The following DNAH11 variants were observed in gnomAD, a reference collection of about 807,000 sequenced individuals.
DNAH11 encodes the protein dynein axonemal heavy chain 11, also known as axonemal beta dynein heavy chain 11.
DNAH11 carries 442 observed loss-of-function variants against 526.0 expected under a neutral mutation model. The ratio of observed to expected loss-of-function variants is 0.84; its 90% confidence interval spans 0.78 to 0.91. The LOEUF is 0.91. Ranked by LOEUF, DNAH11 falls within the 40% of genes least tolerant of loss-of-function variation. The pLI is 0.00. For missense variants in DNAH11, 6,989 were observed against 5,448.7 expected (o/e 1.28, Z -8.90); for synonymous variants, 2,461 against 1,935.9 (o/e 1.27, Z -7.12).
At chr7:21,773,308 G>C (rs1787519100) in intron 55 of DNAH11, among the ~76,000 whole-genome samples, 1 of 146,542 alleles carries the variant, frequency 6.8e-6, no homozygotes, top group African/African-American at 2.5e-5. Context: ...TTTTACATGA[G>C]TTCTCATAAA....
chr7:21,632,828 T>C (rs1786678900), intron 25 of DNAH11, among the ~76,000 whole-genome samples: 1 of 152,216 alleles, frequency 6.6e-6, no homozygotes, highest in Non-Finnish European at 1.5e-5. Flanking sequence ...CCAAAGTTGC[T>C]TCCACATTTT....
chr7:21,830,543 C>A (rs1417952452), intron 65 of DNAH11, among the ~76,000 whole-genome samples: 1 of 152,178 alleles, frequency 6.6e-6, no homozygotes, highest in African/African-American at 2.4e-5. Flanking sequence ...TTATAGGCTG[C>A]CACTGTCAGA....
At chr7:21,787,941 T>G (rs898094460) in intron 60 of DNAH11, among the ~76,000 whole-genome samples, 2 of 152,214 alleles carry the variant, frequency 1.3e-5, no homozygotes, top group African/African-American at 4.8e-5. Flanking sequence ...TAGCGCCTGC[T>G]CTCAAAGCAA....
chr7:21,808,026 TG>T lies in DNAH11; in HGVS notation c.10312del (p.Val3438PhefsTer12), dbSNP rs1325957353. On this transcript the variant is annotated frameshift_variant, in exon 63 of 82. Coordinates refer to ENST00000409508, the MANE Select transcript of DNAH11 (RefSeq NM_001277115.2). LOFTEE classifies it high-confidence loss of function. ...TCGCCAGGAGCTGGTGCACTGCAAG[TG>T]GGTTCCCTTTCTTCAACAGAAGGTA... is the stretch of plus-strand genomic sequence containing the variant. Reference protein sequence around the residue: ...QYRQELVHCKWVPFLQQKVSI... With the variant: ...QYRQELVHCKXVPFLQQKVSI... The T allele has an allele frequency of 6.4e-7, 1 of 1,556,576 alleles. No individual in the cohort carries two copies.
intron 5 of DNAH11, among the ~76,000 whole-genome samples, chr7:21,562,150 G>T (rs536863872): frequency 6.6e-6 from 1 of 152,314 alleles, no homozygotes; most frequent in South Asian, 2.1e-4. Context: ...CTTCCTTGAA[G>T]AGTTGCTATG....
At chr7:21,755,218 T>C (rs1042875860) in intron 54 of DNAH11, among the ~76,000 whole-genome samples, 4 of 152,206 alleles carry the variant, frequency 2.6e-5, no homozygotes, top group Non-Finnish European at 5.9e-5. Context: ...TTAACAACCA[T>C]CAGATGTGTG....
chr7:21,645,401 T>C (rs746440858), intron 28 of DNAH11, among the ~76,000 whole-genome samples: 14 of 152,206 alleles, frequency 9.2e-5, no homozygotes, highest in Non-Finnish European at 1.5e-4. Flanking sequence ...TTAAAGAGTA[T>C]TGAAGAATAA....
At chr7:21,543,925 A>C in intron 1 of DNAH11, 1 of 360,958 alleles carries the variant, frequency 2.8e-6, no homozygotes. Flanking sequence ...GTGCCAAAAA[A>C]CTTGCGTTTC....
Position 21,869,121 on chromosome 7 carries a change from G to A in DNAH11, c.11967+130G>A, listed in dbSNP as rs546182925. The A allele has an allele frequency of 2.5e-5, 33 of 1,336,958 alleles. No individual in the cohort carries two copies. In the Admixed American group the frequency reaches 6.7e-4, roughly 27 times the overall value. The allele number at this position is 1,336,958 out of a possible 1,614,324, so 82.8% of individuals were successfully genotyped here. A position where few individuals can be genotyped will look rare whatever the true frequency, so the allele number is the denominator to read the frequency against. ...CGATTTGCAGAGTGCAAGCAGTACTGTCAGTGTTCATGATGCCTGCAAAGA... is the reference window on the plus strand; with the variant it reads ...CGATTTGCAGAGTGCAAGCAGTACTATCAGTGTTCATGATGCCTGCAAAGA... On this transcript the variant is annotated intron_variant, in intron 73 of 81. Transcript: ENST00000409508.
chr7:21,831,014 C>A (rs889722973), intron 65 of DNAH11, among the ~76,000 whole-genome samples: 1 of 152,196 alleles, frequency 6.6e-6, no homozygotes, highest in Admixed American at 6.5e-5. Context: ...ATGGGAGCAG[C>A]CCCGTGCCAG....
At position 21,656,038 on chromosome 7, in the gene DNAH11, G is replaced by GA. The variant is rs1276918500; in HGVS notation, c.5094+59dup. 4 of 1,486,042 alleles carry GA rather than the reference G, an allele frequency of 2.7e-6. No homozygotes were observed. The African/African-American group carries it at 4.2e-5, about 16-fold the overall frequency. The allele number at this position is 1,486,042 out of a possible 1,614,324, so 92.1% of individuals were successfully genotyped here. A position where few individuals can be genotyped will look rare whatever the true frequency, so the allele number is the denominator to read the frequency against. On this transcript the variant is annotated intron_variant, in intron 29 of 81. Coordinates refer to ENST00000409508, the MANE Select transcript of DNAH11 (RefSeq NM_001277115.2). ...GGGGAGTATTTTCAGCATGCTCTTA[G>GA]AAGGTTGAGTTCAACAAGCAAAAAA...
At chr7:21,784,325 A>G (rs1401562370) in intron 57 of DNAH11, 102 bp from the exon 58 acceptor site, 1 of 870,572 alleles carries the variant, frequency 1.1e-6, no homozygotes, top group East Asian at 2.6e-5. Flanking sequence ...AGTACAGAGA[A>G]ATGAATTATT....
chr7:21,736,344 G>T (rs1010217529), intron 46 of DNAH11, among the ~76,000 whole-genome samples: 2 of 152,124 alleles, frequency 1.3e-5, no homozygotes, highest in Non-Finnish European at 2.9e-5. Context: ...ACAGATTTGG[G>T]GCATTCCCAG....
chr7:21,838,873 G>A (rs1782095983), intron 65 of DNAH11, among the ~76,000 whole-genome samples: 1 of 152,108 alleles, frequency 6.6e-6, no homozygotes, highest in African/African-American at 2.4e-5. Flanking sequence ...TGGGACTACA[G>A]GTGTGTGCCA....
rs1233776296 is a variant in DNAH11, at chr7:21,544,996, C to A, written c.352-10C>A. On this transcript the variant is annotated splice_polypyrimidine_tract_variant and intron_variant, in intron 1 of 81. Coordinates refer to ENST00000409508, the MANE Select transcript of DNAH11 (RefSeq NM_001277115.2). ...AACTACTTGAACTAATTATCTTGCTCTTGTTTTAGATTCCAAGAGATGCAA... is the reference window on the plus strand; with the variant it reads ...AACTACTTGAACTAATTATCTTGCTATTGTTTTAGATTCCAAGAGATGCAA... 1 of 1,566,182 alleles carries A rather than the reference C, an allele frequency of 6.4e-7. No individual in the cohort carries two copies.
chr7:21,880,084 CAAAA>C (rs57931095), intron 74 of DNAH11, among the ~76,000 whole-genome samples: 11 of 93,730 alleles, frequency 1.2e-4, no homozygotes, highest in Admixed American at 2.2e-4. Context: ...GACTCCGTCT[CAAAA>C]AAAAAAAAAA....
At chr7:21,633,899 A>G (rs547868810) in intron 25 of DNAH11, among the ~76,000 whole-genome samples, 1 of 152,320 alleles carries the variant, frequency 6.6e-6, no homozygotes, top group Non-Finnish European at 1.5e-5. Flanking sequence ...GGATGTCTCT[A>G]CCATTCAAAG....
chr7:21,600,708 G>C lies in DNAH11; in HGVS notation c.3033G>C (p.Glu1011Asp), dbSNP rs1055329567. 2 of 1,613,288 alleles carry C rather than the reference G, an allele frequency of 1.2e-6. No homozygotes were observed. Among genetic ancestry groups the C allele is most frequent in the African/African-American group, 1.3e-5 (1 of 74,920 alleles). Reference protein sequence around the residue: ...NDMDNMLGLAEVRQEIMNRVV... With the variant: ...NDMDNMLGLADVRQEIMNRVV... ...TGGATAACATGTTAGGCCTGGCAGA[G>C]GTCAGGCAGGAGATCATGAACAGAG... The change falls in exon 16 of 82, where the codon GAG (glutamate) becomes GAC (aspartate). Residue 1011 changes from glutamate (E) to aspartate (D), a missense_variant. By Grantham distance (45) the Glu-to-Asp change is conservative. Transcript: ENST00000409508.
intron 61 of DNAH11, among the ~76,000 whole-genome samples, chr7:21,795,436 C>G (rs1279328085): frequency 6.6e-6 from 1 of 152,218 alleles, no homozygotes; most frequent in Non-Finnish European, 1.5e-5. Context: ...ATTCCACACA[C>G]CCTACACATC....
Sources: gnomAD v4.1 joint callset for allele counts (sites outside exome capture counted in the v4.1 genomes callset) on GRCh38, gnomAD v4.1.1 for gene constraint, MANE v1.5 for transcripts, NCBI Gene and HGNC (gene_info 2026-07-23, HGNC 2026-07-21) for gene names.